FAM114A1: variants seen among roughly 807,000 people sequenced by gnomAD.
FAM114A1 encodes the protein protein NOXP20.
In FAM114A1, 62 loss-of-function variants were observed where a neutral mutation model predicts 64.3. The observed-to-expected ratio is 0.96, with a 90% CI of 0.79 to 1.19. FAM114A1 has a LOEUF of 1.19. Among genes scored for constraint, FAM114A1 ranks in the 50% most tolerant of loss-of-function variants. The pLI is 0.00. For missense variants in FAM114A1, 645 were observed against 676.3 expected (o/e 0.95, Z 0.51); for synonymous variants, 254 against 251.1 (o/e 1.01, Z -0.11).
intron 3 of FAM114A1, among the ~76,000 whole-genome samples, chr4:38,890,844 T>A (rs1213684675): frequency 6.6e-6 from 1 of 152,098 alleles, no homozygotes; most frequent in Non-Finnish European, 1.5e-5. Context: ...TTTAAAAAAA[T>A]GAACAAGAAT....
intron 3 of FAM114A1, among the ~76,000 whole-genome samples, chr4:38,887,378 A>G (rs1048854615): frequency 2.0e-5 from 3 of 152,250 alleles, no homozygotes; most frequent in Non-Finnish European, 4.4e-5. Context: ...CAAGTTACAC[A>G]CGTTTAAATA....
At chr4:38,874,276 G>A (rs552884864) in intron 2 of FAM114A1, among the ~76,000 whole-genome samples, 85 of 152,350 alleles carry the variant, frequency 5.6e-4, no homozygotes, top group African/African-American at 2.0e-3. Flanking sequence ...GATACAGTAA[G>A]CACTCAATAA....
chr4:38,882,354 G>T (rs1203463770), intron 3 of FAM114A1, among the ~76,000 whole-genome samples: 1 of 150,138 alleles, frequency 6.7e-6, no homozygotes, highest in Admixed American at 6.7e-5. Context: ...TTCTGACCAG[G>T]TGCAGTGGCT....
chr4:38,922,494 G>A (rs546285676), intron 8 of FAM114A1, among the ~76,000 whole-genome samples: 23 of 152,308 alleles, frequency 1.5e-4, no homozygotes, highest in Middle Eastern at 3.4e-3. Context: ...CATTTATGCA[G>A]CACATACTGT....
chr4:38,932,409 A>T, intron 12 of FAM114A1, 35 bp downstream of exon 12: 1 of 1,558,340 alleles, frequency 6.4e-7, no homozygotes, highest in Non-Finnish European at 8.7e-7. Flanking sequence ...TTATTTTCCC[A>T]GTTTTATATA....
intron 14 of FAM114A1, 49 bp downstream of exon 14, chr4:38,941,070 G>T (rs1291398808): frequency 2.8e-6 from 4 of 1,418,208 alleles, no homozygotes; most frequent in Middle Eastern, 1.8e-4. Flanking sequence ...GTAAATGTTA[G>T]AACTACTTTT....
chr4:38,926,706 T>C (rs1412876395), intron 9 of FAM114A1, among the ~76,000 whole-genome samples: 1 of 152,176 alleles, frequency 6.6e-6, no homozygotes, highest in Non-Finnish European at 1.5e-5. Flanking sequence ...TCCAACCACG[T>C]TGGCCTCCTA....
chr4:38,926,334 T>G (rs1720085491), intron 9 of FAM114A1, among the ~76,000 whole-genome samples: 1 of 152,154 alleles, frequency 6.6e-6, no homozygotes, highest in Admixed American at 6.5e-5. Flanking sequence ...TGCCCAGGTG[T>G]GCCCAGCCCC....
intron 3 of FAM114A1, among the ~76,000 whole-genome samples, chr4:38,882,701 CG>C (rs1715411312): frequency 6.6e-6 from 1 of 152,092 alleles, no homozygotes; most frequent in Admixed American, 6.6e-5. Flanking sequence ...ACTTTGAGGA[CG>C]TACTTCTAAG....
chr4:38,915,807 C>T (rs1719002800), intron 8 of FAM114A1, among the ~76,000 whole-genome samples: 1 of 150,162 alleles, frequency 6.7e-6, no homozygotes, highest in African/African-American at 2.5e-5. Flanking sequence ...ATTTAGCAAG[C>T]ACTTAATGGC....
chr4:38,878,683 AG>A (rs1714919328), intron 3 of FAM114A1, among the ~76,000 whole-genome samples: 1 of 152,228 alleles, frequency 6.6e-6, no homozygotes, highest in Admixed American at 6.5e-5. Context: ...GCACTCTGCT[AG>A]CCACTTTCTA....
At chr4:38,893,416 A>C (rs1716587050) in intron 4 of FAM114A1, among the ~76,000 whole-genome samples, 1 of 152,132 alleles carries the variant, frequency 6.6e-6, no homozygotes, top group African/African-American at 2.4e-5. Flanking sequence ...CATCCAAACC[A>C]CTCTGGTTTA....
At chr4:38,889,405 A>T (rs1239219835) in intron 3 of FAM114A1, among the ~76,000 whole-genome samples, 1 of 152,200 alleles carries the variant, frequency 6.6e-6, no homozygotes, top group African/African-American at 2.4e-5. Flanking sequence ...AGAAAAAAAA[A>T]ATGACAGCTA....
intron 4 of FAM114A1, among the ~76,000 whole-genome samples, chr4:38,894,706 G>A (rs922998635): frequency 1.4e-4 from 21 of 152,272 alleles, no homozygotes; most frequent in African/African-American, 4.1e-4. Context: ...GAGTAAACAC[G>A]TGGTTTCTCT....
chr4:38,871,086 C>CTTTTTTTTTTT (rs9306968), intron 2 of FAM114A1, among the ~76,000 whole-genome samples: 64 of 93,806 alleles, frequency 6.8e-4, no homozygotes, highest in Admixed American at 1.0e-3. Context: ...TTTTTTCTTT[C>CTTTTTTTTTTT]TTTTTTTTTT....
At chr4:38,895,361 C>G (rs1240355548) in intron 4 of FAM114A1, among the ~76,000 whole-genome samples, 2 of 152,230 alleles carry the variant, frequency 1.3e-5, no homozygotes, top group Non-Finnish European at 2.9e-5. Context: ...GAAAATCTCT[C>G]TCATGCTTCA....
At chr4:38,920,314 G>A (rs1388201705) in intron 8 of FAM114A1, among the ~76,000 whole-genome samples, 1 of 152,090 alleles carries the variant, frequency 6.6e-6, no homozygotes, top group Non-Finnish European at 1.5e-5. Flanking sequence ...TCCTTTCAAG[G>A]AAAAGATTTA....
chr4:38,920,701 T>A (rs186811276), intron 8 of FAM114A1, among the ~76,000 whole-genome samples: 2 of 152,158 alleles, frequency 1.3e-5, no homozygotes, highest in East Asian at 3.8e-4. Flanking sequence ...ATTTATTCAA[T>A]AATTAATGTT....
At chr4:38,926,283 G>C (rs188490) in intron 9 of FAM114A1, among the ~76,000 whole-genome samples, 1 of 152,154 alleles carries the variant, frequency 6.6e-6, no homozygotes, top group Non-Finnish European at 1.5e-5. Flanking sequence ...GCCTCATACA[G>C]AGTGAGGGGC....
Sources: allele counts gnomAD v4.1 joint callset (sites outside exome capture counted in the v4.1 genomes callset), GRCh38; gene constraint gnomAD v4.1.1; transcripts MANE v1.5; gene names NCBI Gene and HGNC (gene_info 2026-07-23, HGNC 2026-07-21).